The following SDC2 variants were observed in gnomAD, a reference collection of about 807,000 sequenced individuals.
The protein encoded by SDC2 is syndecan-2.
SDC2 carries 13 observed loss-of-function variants against 22.2 expected under a neutral mutation model. The observed-to-expected ratio is 0.59, with a 90% CI of 0.38 to 0.93. The LOEUF (loss-of-function observed/expected upper bound fraction) is 0.93. SDC2 is among the 40% of genes least tolerant of loss of function. The pLI is 0.00. For missense variants in SDC2, 235 were observed against 246.8 expected (o/e 0.95, Z 0.32); for synonymous variants, 94 against 92.8 (o/e 1.01, Z -0.07).
At chr8:96,496,432 A>G (rs115476461) in intron 1 of SDC2, among the ~76,000 whole-genome samples, 1,613 of 152,370 alleles carry the variant, frequency 0.011, 28 homozygotes, top group African/African-American at 0.036. Context: ...TAAAATGTCA[A>G]CTTAGAGACT....
At chr8:96,548,620 C>G (rs936667815) in intron 1 of SDC2, among the ~76,000 whole-genome samples, 13 of 152,144 alleles carry the variant, frequency 8.5e-5, no homozygotes, top group African/African-American at 3.1e-4. Flanking sequence ...TGTTTTAAAC[C>G]TGTACTTTAC....
intron 1 of SDC2, among the ~76,000 whole-genome samples, chr8:96,547,452 A>AT: frequency 6.6e-6 from 1 of 152,208 alleles, no homozygotes; most frequent in East Asian, 1.9e-4. Flanking sequence ...CCACTGGGCT[A>AT]TTTATGGAAG....
intron 1 of SDC2, among the ~76,000 whole-genome samples, chr8:96,569,757 G>A (rs76376889): frequency 0.082 from 12,505 of 152,176 alleles, 770 homozygotes; most frequent in East Asian, 0.15. Context: ...AAGAACCTGA[G>A]GCATGGGAAG....
At chr8:96,523,909 T>A (rs1470971300) in intron 1 of SDC2, among the ~76,000 whole-genome samples, 1 of 152,214 alleles carries the variant, frequency 6.6e-6, no homozygotes, top group Admixed American at 6.5e-5. Flanking sequence ...TTAAGATTAT[T>A]TCTTCTCTGG....
At chr8:96,592,469 C>G (rs896394169) in intron 1 of SDC2, among the ~76,000 whole-genome samples, 2 of 152,084 alleles carry the variant, frequency 1.3e-5, no homozygotes, top group Non-Finnish European at 2.9e-5. Context: ...TGCCTGTTTC[C>G]AAACAAGCGT....
intron 1 of SDC2, among the ~76,000 whole-genome samples, chr8:96,533,034 A>G (rs1372588270): frequency 6.6e-6 from 1 of 152,024 alleles, no homozygotes; most frequent in Non-Finnish European, 1.5e-5. Context: ...GCGTGTCCAG[A>G]GTTTGTTCCT....
At chr8:96,561,594 G>A (rs1020371428) in intron 1 of SDC2, among the ~76,000 whole-genome samples, 17 of 152,196 alleles carry the variant, frequency 1.1e-4, no homozygotes, top group African/African-American at 4.1e-4. Flanking sequence ...ATTGTTGTTA[G>A]ATGGCCCAAC....
chr8:96,574,888 C>G (rs1234869125), intron 1 of SDC2, among the ~76,000 whole-genome samples: 1 of 152,098 alleles, frequency 6.6e-6, no homozygotes, highest in African/African-American at 2.4e-5. Flanking sequence ...TTCCACTGAC[C>G]GAGGGCAGGG....
chr8:96,527,233 C>T (rs1813591814), intron 1 of SDC2, among the ~76,000 whole-genome samples: 1 of 147,950 alleles, frequency 6.8e-6, no homozygotes. Context: ...ATTATTTCTG[C>T]CTTGGGACTG....
chr8:96,523,577 A>G (rs185770142), intron 1 of SDC2, among the ~76,000 whole-genome samples: 1 of 152,262 alleles, frequency 6.6e-6, no homozygotes, highest in East Asian at 1.9e-4. Context: ...TTGGCCCACT[A>G]TTATAATTAT....
intron 3 of SDC2, 85 bp downstream of exon 3, chr8:96,602,613 A>G: frequency 2.1e-6 from 3 of 1,442,468 alleles, no homozygotes; most frequent in Non-Finnish European, 2.9e-6. Context: ...TCCCTTTTGT[A>G]TTATTTTCTT....
chr8:96,521,171 ATG>A lies in SDC2; in HGVS notation c.60+26842_60+26843del, dbSNP rs201605149. ...TGATTTTCACATTCGTATAAATAAT[ATG>A]TTGTGTATTTTTGAAAACTGCGCTG... On this transcript the variant is annotated intron_variant, in intron 1 of 4. Transcript: ENST00000302190. Among the ~76,000 whole-genome samples, 15 of 152,280 alleles carry A rather than the reference ATG, an allele frequency of 9.9e-5. No individual in the cohort carries two copies. The East Asian group carries it at 2.9e-3, about 29-fold the overall frequency.
chr8:96,505,996 G>A lies in SDC2; in HGVS notation c.60+11665G>A, dbSNP rs370565846. Among the ~76,000 whole-genome samples the A allele has an allele frequency of 3.4e-4, 52 of 152,228 alleles. No homozygotes were observed. The East Asian group carries it at 6.2e-3, about 18-fold the overall frequency. On this transcript the variant is annotated intron_variant, in intron 1 of 4. Coordinates refer to ENST00000302190, the MANE Select transcript of SDC2 (RefSeq NM_002998.4). ...CATCAGTTTATGTTGAATCTAGTTC[G>A]GCATTTGTACAATCAAAATTGCCAA...
chr8:96,494,636 C>A (rs1021845010), intron 1 of SDC2, among the ~76,000 whole-genome samples: 1 of 151,904 alleles, frequency 6.6e-6, no homozygotes, highest in African/African-American at 2.4e-5. Context: ...GGTCTTGCTG[C>A]GTGGTCTGGG....
intron 1 of SDC2, among the ~76,000 whole-genome samples, chr8:96,546,328 C>G (rs1813931518): frequency 6.6e-6 from 1 of 152,142 alleles, no homozygotes; most frequent in East Asian, 1.9e-4. Context: ...GAGTCTTGAC[C>G]ATATTCTCAG....
At chr8:96,548,043 G>A (rs1451180191) in intron 1 of SDC2, among the ~76,000 whole-genome samples, 12 of 152,166 alleles carry the variant, frequency 7.9e-5, no homozygotes, top group Admixed American at 4.6e-4. Flanking sequence ...GATTACAGGC[G>A]TGAGCCACCA....
At chr8:96,586,100 C>A (rs1218927889) in intron 1 of SDC2, among the ~76,000 whole-genome samples, 1 of 152,156 alleles carries the variant, frequency 6.6e-6, no homozygotes, top group African/African-American at 2.4e-5. Context: ...AGACCAGAGC[C>A]ATGCCTGGCT....
chr8:96,595,635 G>A (rs749677593), intron 2 of SDC2, among the ~76,000 whole-genome samples: 15 of 152,170 alleles, frequency 9.9e-5, no homozygotes, highest in Non-Finnish European at 1.8e-4. Context: ...TTAGTGGGGT[G>A]TACAGGTTGG....
At chr8:96,551,436 G>A (rs1814025803) in intron 1 of SDC2, among the ~76,000 whole-genome samples, 1 of 152,152 alleles carries the variant, frequency 6.6e-6, no homozygotes, top group South Asian at 2.1e-4. Context: ...AGCATTCTGT[G>A]TATTTTAAGT....
Sources: gnomAD v4.1 joint callset for allele counts (sites outside exome capture counted in the v4.1 genomes callset) on GRCh38, gnomAD v4.1.1 for gene constraint, MANE v1.5 for transcripts, NCBI Gene and HGNC (gene_info 2026-07-23, HGNC 2026-07-21) for gene names.